PPFIA2: variants seen among roughly 807,000 people sequenced by gnomAD.
PPFIA2 encodes the protein PPFI scaffold protein A2, also known as liprin-alpha-2.
A neutral mutation model predicts 175.5 loss-of-function variants in PPFIA2; 46 were observed. That is an observed-to-expected ratio of 0.26 (90% CI 0.21 to 0.34). The LOEUF (loss-of-function observed/expected upper bound fraction) is 0.34. PPFIA2 is among the 10% of genes least tolerant of loss of function. The probability of loss-of-function intolerance (pLI) is 1.00; values close to 1 mark genes in which losing one functional copy is unlikely to be tolerated. For synonymous variants in PPFIA2, 568 were observed against 511.4 expected (o/e 1.11, Z -1.49); for missense variants, 1,179 against 1,506.1 (o/e 0.78, Z 3.60).
intron 22 of PPFIA2, among the ~76,000 whole-genome samples, chr12:81,315,259 T>C (rs966697459): frequency 1.6e-4 from 24 of 151,984 alleles, no homozygotes; most frequent in African/African-American, 5.5e-4. Flanking sequence ...ACAATGAAAC[T>C]ATTTCTAATT....
chr12:81,463,514 T>G (rs774979004), intron 4 of PPFIA2, among the ~76,000 whole-genome samples: 1 of 152,132 alleles, frequency 6.6e-6, no homozygotes. Context: ...TTTTGTCCTT[T>G]GGAATTTTAA....
chr12:81,665,162 T>C (rs2069899328), intron 4 of PPFIA2, among the ~76,000 whole-genome samples: 1 of 152,012 alleles, frequency 6.6e-6, no homozygotes, highest in Non-Finnish European at 1.5e-5. Flanking sequence ...GTTGTGCACA[T>C]GTACCCTAAA....
intron 4 of PPFIA2, among the ~76,000 whole-genome samples, chr12:81,496,062 T>C (rs963071573): frequency 6.6e-6 from 1 of 152,210 alleles, no homozygotes; most frequent in African/African-American, 2.4e-5. Context: ...TGTTTTGTTG[T>C]ATTGTTTGGA....
intron 4 of PPFIA2, among the ~76,000 whole-genome samples, chr12:81,613,833 A>G (rs925116209): frequency 9.2e-5 from 14 of 152,232 alleles, no homozygotes; most frequent in African/African-American, 3.4e-4. Context: ...TGTGAGTGTG[A>G]GTTGCATTTT....
chr12:81,724,046 G>GACT (rs940449712), intron 3 of PPFIA2, among the ~76,000 whole-genome samples: 16 of 150,970 alleles, frequency 1.1e-4, no homozygotes, highest in African/African-American at 3.6e-4. Context: ...AGGGAAAGGT[G>GACT]ACTGTTTCAT....
chr12:81,350,763 A>T (rs1283743246), intron 17 of PPFIA2, among the ~76,000 whole-genome samples: 1 of 152,038 alleles, frequency 6.6e-6, no homozygotes, highest in Non-Finnish European at 1.5e-5. Flanking sequence ...TATATGGAGA[A>T]CTAGCATACT....
intron 28 of PPFIA2, among the ~76,000 whole-genome samples, chr12:81,269,296 C>T (rs775060563): frequency 6.6e-5 from 10 of 151,962 alleles, no homozygotes; most frequent in Middle Eastern, 3.4e-3. Context: ...TTTTTACTAC[C>T]CATAGAAAGG....
chr12:81,415,197 AAAAAAAAAAAAAAATATATATATATATAT>A (rs1331016000), intron 7 of PPFIA2, among the ~76,000 whole-genome samples: 14 of 57,044 alleles, frequency 2.5e-4, no homozygotes, highest in African/African-American at 9.2e-4. Context: ...AAAAAAAAAA[AAAAAAAAAAAAAAATATATATATATATAT>A]ATATATATAT....
At chr12:81,486,135 T>A (rs553035889) in intron 4 of PPFIA2, among the ~76,000 whole-genome samples, 10 of 152,046 alleles carry the variant, frequency 6.6e-5, no homozygotes, top group Non-Finnish European at 1.2e-4. Flanking sequence ...TCAAGCACTG[T>A]TCTAGGCACT....
At position 81,630,575 on chromosome 12, in the gene PPFIA2, T is replaced by G. The variant is rs1433312880; in HGVS notation, c.303+46216A>C. On this transcript the variant is annotated intron_variant, in intron 4 of 32. Transcript: ENST00000549396. ...CTTATTATCATTATTCTTTGGACTC[T>G]GATATAATCAGCTTTTGGAAGCCTA... 4.6e-5 allele frequency among the ~76,000 whole-genome samples: 7 copies of G among 152,298 alleles called. No homozygotes were observed. In the East Asian group the frequency reaches 1.4e-3, roughly 29 times the overall value.
At chr12:81,693,357 A>T (rs1356241320) in intron 3 of PPFIA2, among the ~76,000 whole-genome samples, 9 of 151,854 alleles carry the variant, frequency 5.9e-5, no homozygotes, top group Non-Finnish European at 7.4e-5. Context: ...TTCTCATGAG[A>T]TCTGCTCATC....
At chr12:81,481,478 C>T (rs976622026) in intron 4 of PPFIA2, among the ~76,000 whole-genome samples, 2 of 152,252 alleles carry the variant, frequency 1.3e-5, no homozygotes, top group East Asian at 3.9e-4. Context: ...ATCATGCTAC[C>T]TGACTGCAAA....
chr12:81,267,351 T>C, intron 29 of PPFIA2: 5 of 389,954 alleles, frequency 1.3e-5, no homozygotes, highest in African/African-American at 2.1e-5. Context: ...GAAACGAGAC[T>C]GCCAAATTTT....
intron 4 of PPFIA2, among the ~76,000 whole-genome samples, chr12:81,505,478 G>A (rs2061057263): frequency 6.6e-6 from 1 of 152,074 alleles, no homozygotes; most frequent in African/African-American, 2.4e-5. Flanking sequence ...TCCCCAGGAT[G>A]GTTTTTGTTT....
chr12:81,490,469 C>A (rs945529034), intron 4 of PPFIA2, among the ~76,000 whole-genome samples: 1 of 151,886 alleles, frequency 6.6e-6, no homozygotes, highest in African/African-American at 2.4e-5. Flanking sequence ...CAACATACTA[C>A]TTCTTCTCAT....
chr12:81,512,526 C>T, intron 4 of PPFIA2: 1 of 380,908 alleles, frequency 2.6e-6, no homozygotes, highest in Non-Finnish European at 4.6e-6. Context: ...TGTTTAATTT[C>T]TAAACTTTTT....
At chr12:81,589,332 A>G (rs2058404598) in intron 4 of PPFIA2, among the ~76,000 whole-genome samples, 1 of 152,158 alleles carries the variant, frequency 6.6e-6, no homozygotes, top group South Asian at 2.1e-4. Context: ...CATTCTTAAA[A>G]AAACAAAGGT....
intron 4 of PPFIA2, among the ~76,000 whole-genome samples, chr12:81,650,155 G>T (rs972237006): frequency 6.6e-6 from 1 of 151,404 alleles, no homozygotes; most frequent in Admixed American, 6.6e-5. Context: ...GACTACAGGC[G>T]CCCGCCACTG....
chr12:81,757,473 A>G (rs540458899), intron 2 of PPFIA2, among the ~76,000 whole-genome samples: 1 of 152,334 alleles, frequency 6.6e-6, no homozygotes, highest in South Asian at 2.1e-4. Flanking sequence ...AAATTACTGA[A>G]GGTTTTGAAA....
Sources: allele counts gnomAD v4.1 joint callset (sites outside exome capture counted in the v4.1 genomes callset), GRCh38; gene constraint gnomAD v4.1.1; transcripts MANE v1.5; gene names NCBI Gene and HGNC (gene_info 2026-07-23, HGNC 2026-07-21).